Variants in ARHGAP33 observed in about 807,000 individuals in gnomAD.
ARHGAP33 encodes Rho GTPase activating protein 33.
A neutral mutation model predicts 126.2 loss-of-function variants in ARHGAP33; 57 were observed. The observed-to-expected ratio is 0.45, with a 90% CI of 0.36 to 0.56. The LOEUF (loss-of-function observed/expected upper bound fraction) is 0.56, where lower values mean the gene tolerates loss of function less well. Among genes scored for constraint, ARHGAP33 ranks in the 20% least tolerant of loss-of-function variants. ARHGAP33 has a pLI of 0.00. For missense variants in ARHGAP33, 1,500 were observed against 1,748.3 expected, an observed-to-expected ratio of 0.86 and a Z score of 2.53; for synonymous variants, 711 against 755.0, an observed-to-expected ratio of 0.94 and a Z score of 0.95.
chr19:35,775,758 G>A, intron 1 of ARHGAP33, 94 bp downstream of exon 1: 1 of 1,264,248 alleles, frequency 7.9e-7, no homozygotes, highest in Non-Finnish European at 1.1e-6. Flanking sequence ...GGCCCCGCCC[G>A]ATCCCGCGGC....
chr19:35,787,168 G>A lies in ARHGAP33; in HGVS notation c.2603G>A (p.Gly868Asp). ...AACCCCTCTCCATTCATTTATATAG[G>A]TCCTGATATGGAGTCACCACTGCCA... ...SKLRGAQGPL[G>D]PDMESPLPPP... The change falls in exon 21 of 21, where the codon GGT becomes GAT. Residue 868 changes from glycine to aspartate, a missense_variant and splice_region_variant. Coordinates refer to ENST00000007510, the MANE Select transcript of ARHGAP33 (RefSeq NM_001366178.1). The A allele has an allele frequency of 6.2e-7, 1 of 1,610,236 alleles. No homozygotes were observed. Among genetic ancestry groups the A allele is most frequent in the South Asian group, 1.1e-5 (1 of 90,960 alleles).
At chr19:35,777,469 G>A (rs971083158) in intron 1 of ARHGAP33, 176 bp from the exon 2 acceptor site, 3 of 618,756 alleles carry the variant, frequency 4.8e-6, no homozygotes, top group South Asian at 1.9e-5. Context: ...GACCACACAC[G>A]AAGAAGCAGT....
Position 35,782,331 on chromosome 19 carries a change from C to T in ARHGAP33, c.1086-42C>T. ...GGAGCATGGCCACGTGAGCGAGCCCCTCTGACCTGGATCTTCCTCCTCCTT... is the reference window on the plus strand; with the variant it reads ...GGAGCATGGCCACGTGAGCGAGCCCTTCTGACCTGGATCTTCCTCCTCCTT... On this transcript the variant is annotated intron_variant, in intron 12 of 20. Coordinates refer to ENST00000007510, the MANE Select transcript of ARHGAP33 (RefSeq NM_001366178.1). This position sits in a 1 kb window ranked among gnomAD's most constrained non-coding sequence, Gnocchi z 4.1. 1 of 1,582,598 alleles carries T rather than the reference C, an allele frequency of 6.3e-7. No homozygotes were observed. The highest frequency in any genetic ancestry group is 8.6e-7 in the Non-Finnish European group (1 of 1,158,026).
At chr19:35,784,632 C>CCCCCCAAAA in intron 16 of ARHGAP33, 1 of 1,296,634 alleles carries the variant, frequency 7.7e-7, no homozygotes, top group Non-Finnish European at 9.7e-7. Context: ...GCCCCGGCCC[C>CCCCCCAAAA]ACCCAGACTC....
At chr19:35,785,988 T>C in intron 19 of ARHGAP33, 3 of 1,091,024 alleles carry the variant, frequency 2.7e-6, no homozygotes, top group South Asian at 3.2e-5. Context: ...CTTGGCTTTT[T>C]CTCCATCGCT....
rs1348951755 is a variant in ARHGAP33, at chr19:35,786,263, A to C, written c.1943-150A>C. 1.4e-6 allele frequency: 2 copies of C among 1,427,792 alleles called. No individual in the cohort carries two copies. Among genetic ancestry groups the C allele is most frequent in the African/African-American group, 2.9e-5 (2 of 69,478 alleles). 88.4% of individuals were successfully genotyped at this position (1,427,792 alleles called of 1,614,324 possible). ...GCTTTGGGCCGGAAGTGTCCTCTTC[A>C]TGGTCTCCACTGTCAATCTGAACAG... is the stretch of plus-strand genomic sequence containing the variant. On this transcript the variant is annotated intron_variant, in intron 19 of 20. Coordinates refer to ENST00000007510, the MANE Select transcript of ARHGAP33 (RefSeq NM_001366178.1). The surrounding 1 kb of genome is among the most constrained non-coding windows in gnomAD (Gnocchi z 7.0).
intron 16 of ARHGAP33, 144 bp from the exon 17 acceptor site, chr19:35,784,799 GCCCGCCTGCT>G (rs1599794675): frequency 2.2e-5 from 30 of 1,360,448 alleles, no homozygotes; most frequent in Middle Eastern, 5.5e-4. Flanking sequence ...CCTGCCTGCT[GCCCGCCTGCT>G]CCCGCCTGAT....
At chr19:35,784,622 GC>G in intron 16 of ARHGAP33, 4 of 480,964 alleles carry the variant, frequency 8.3e-6, no homozygotes, top group Non-Finnish European at 1.1e-5. Flanking sequence ...ACTTGACCCC[GC>G]CCCGGCCCCA....
In ARHGAP33 at chr19:35,782,565, C is replaced by G. The variant is rs747216797; in HGVS notation, c.1231-32C>G. 6.2e-7 allele frequency: 1 copy of G among 1,613,586 alleles called. No homozygotes were observed. Among genetic ancestry groups the G allele is most frequent in the Non-Finnish European group, 8.5e-7 (1 of 1,179,888 alleles). ...CGGAGGGGGCCGGGACGCCTCTGGC[C>G]CAGACCTCATCACACCTGCCCACCA... On this transcript the variant is annotated intron_variant, in intron 13 of 20. Transcript: ENST00000007510. The surrounding 1 kb of genome is among the most constrained non-coding windows in gnomAD (Gnocchi z 4.1).
chr19:35,783,562 C>T (rs1487882716), intron 15 of ARHGAP33, among the ~76,000 whole-genome samples: 1 of 152,050 alleles, frequency 6.6e-6, no homozygotes, highest in East Asian at 1.9e-4. Context: ...GGGCCTGGGC[C>T]GGTGCCTGGT....
chr19:35,782,232 C>A lies in ARHGAP33; in HGVS notation c.1086-141C>A. ...GCTGGGGAGTTCAGTAAGGTTCTGC[C>A]TCTGAAGAGCCCAGTGTAGGACCTG... On this transcript the variant is annotated intron_variant, in intron 12 of 20. Transcript: ENST00000007510. This position sits in a 1 kb window ranked among gnomAD's most constrained non-coding sequence, Gnocchi z 4.1. 1.1e-6 allele frequency: 1 copy of A among 924,276 alleles called. No individual in the cohort carries two copies. Among genetic ancestry groups the A allele is most frequent in the Non-Finnish European group, 1.6e-6 (1 of 610,532 alleles). 57.3% of individuals were successfully genotyped at this position (924,276 alleles called of 1,614,324 possible). A position where few individuals can be genotyped will look rare whatever the true frequency, so the allele number is the denominator to read the frequency against.
chr19:35,787,853 C>G lies in ARHGAP33; in HGVS notation c.3288C>G (p.Pro1096=). ...AGATCGGGGCAAGTGAGGGGTCCCC[C>G]TATTCTGGCCCCACCCGCTCCTGGA... The part of the protein sequence containing the change: ...YYEIGASEGS[P]YSGPTRSWSP... Residue 1096 remains proline, a synonymous_variant, in exon 21 of 21, where the codon CCC becomes CCG. Coordinates refer to ENST00000007510, the MANE Select transcript of ARHGAP33 (RefSeq NM_001366178.1). 3.7e-6 allele frequency: 6 copies of G among 1,609,286 alleles called. No individual in the cohort carries two copies. Among genetic ancestry groups the G allele is most frequent in the Non-Finnish European group, 5.1e-6 (6 of 1,177,688 alleles).
Position 35,786,812 on chromosome 19 carries a change from C to G in ARHGAP33, c.2342C>G (p.Pro781Arg). The G allele has an allele frequency of 6.5e-7, 1 of 1,533,358 alleles. No homozygotes were observed. The highest frequency in any genetic ancestry group is 8.7e-7 in the Non-Finnish European group (1 of 1,143,238). The allele number at this position is 1,533,358 out of a possible 1,614,324, so 95.0% of individuals were successfully genotyped here. Reference sequence around the variant, plus strand: ...AGGGTGACCCCCCAGGCCATCTCGCCCCGGGGGCCCACCAGCCCCGCCTCG... The same window carrying G: ...AGGGTGACCCCCCAGGCCATCTCGCGCCGGGGGCCCACCAGCCCCGCCTCG... The part of the protein sequence containing the change: ...PPRVTPQAIS[P>R]RGPTSPASPA... Residue 781 changes from proline to arginine, a missense_variant, in exon 20 of 21, where the codon CCC (proline) becomes CGC (arginine). Pro to Arg is a moderately radical substitution (Grantham distance 103). Coordinates refer to ENST00000007510, the MANE Select transcript of ARHGAP33 (RefSeq NM_001366178.1). The surrounding 1 kb of genome is among the most constrained non-coding windows in gnomAD (Gnocchi z 7.0).
Position 35,786,510 on chromosome 19 carries a change from G to GTCC in ARHGAP33, c.2050_2052dup (p.Ser684dup). On this transcript the variant is annotated inframe_insertion, in exon 20 of 21. Coordinates refer to ENST00000007510, the MANE Select transcript of ARHGAP33 (RefSeq NM_001366178.1). This position sits in a 1 kb window ranked among gnomAD's most constrained non-coding sequence, Gnocchi z 7.0. ...CTGGCTCCTGCGAGAGCCTGTCCTCGTCCTCCTCCTCCGAGTCCTCCTCCT... is the reference window on the plus strand; with the variant it reads ...CTGGCTCCTGCGAGAGCCTGTCCTCGTCCTCCTCCTCCTCCGAGTCCTCCTCCT... 2 of 1,535,576 alleles carry GTCC rather than the reference G, an allele frequency of 1.3e-6. No individual in the cohort carries two copies. The highest frequency in any genetic ancestry group is 2.4e-5 in the East Asian group (1 of 40,888).
chr19:35,788,082 G>A lies in ARHGAP33; in HGVS notation c.3517G>A (p.Ala1173Thr). ...GCCTGAGCCCCTCTACGTCAACCTAGCTCTAGGGCCCAGGGGTCCCTCACC... is the reference window on the plus strand; with the variant it reads ...GCCTGAGCCCCTCTACGTCAACCTAACTCTAGGGCCCAGGGGTCCCTCACC... ...TPPEPLYVNLALGPRGPSPAS... is the reference protein window; with the variant it reads ...TPPEPLYVNLTLGPRGPSPAS... Residue 1173 changes from alanine (A) to threonine (T), a missense_variant, in exon 21 of 21, where the codon GCT becomes ACT. Ala to Thr is a moderately conservative substitution (Grantham distance 58). Transcript: ENST00000007510. The A allele has an allele frequency of 6.2e-7, 1 of 1,610,584 alleles. No homozygotes were observed. The highest frequency in any genetic ancestry group is 2.2e-5 in the East Asian group (1 of 44,698).
rs231228 is a variant in ARHGAP33, at chr19:35,777,869, C to T, written c.150C>T (p.Ala50=). Reference sequence around the variant, plus strand: ...CCTTCCCGCGGCTGGCTGACTGCGCCCATTTCCACTACGAGAACGTTGACT... The same window carrying T: ...CCTTCCCGCGGCTGGCTGACTGCGCTCATTTCCACTACGAGAACGTTGACT... The part of the protein sequence containing the change: ...RGPFPRLADC[A]HFHYENVDFG... The change falls in exon 3 of 21, where the codon GCC becomes GCT. Residue 50 remains alanine, a synonymous_variant. Coordinates refer to ENST00000007510, the MANE Select transcript of ARHGAP33 (RefSeq NM_001366178.1). The T allele has an allele frequency of 0.23, 364,915 of 1,613,946 alleles. 44,209 individuals carry two copies. Among genetic ancestry groups the T allele is most frequent in the Admixed American group, 0.38 (22,964 of 60,006 alleles).
intron 10 of ARHGAP33, 34 bp from the exon 11 acceptor site, chr19:35,780,886 A>T: frequency 1.2e-6 from 2 of 1,611,546 alleles, no homozygotes; most frequent in Non-Finnish European, 1.7e-6. Flanking sequence ...ACCCCACAAG[A>T]CCTGCCTTTG....
At chr19:35,778,802 T>C in intron 5 of ARHGAP33, 1 of 933,626 alleles carries the variant, frequency 1.1e-6, no homozygotes, top group Non-Finnish European at 1.6e-6. Context: ...TCATGGGGAG[T>C]TCCAGGGGGT....
chr19:35,779,735 T>C, intron 6 of ARHGAP33: 1 of 350,564 alleles, frequency 2.9e-6, no homozygotes, highest in Non-Finnish European at 5.7e-6. Context: ...GGCCTCTGGC[T>C]AATTAAAAAA....
Sources: gnomAD v4.1 joint callset for allele counts (sites outside exome capture counted in the v4.1 genomes callset) on GRCh38, gnomAD v4.1.1 for gene constraint, Gnocchi (gnomAD v3.1) non-coding constraint, MANE v1.5 for transcripts, NCBI Gene and HGNC (gene_info 2026-07-23, HGNC 2026-07-21) for gene names.